RGS6: variants seen among roughly 807,000 people sequenced by gnomAD.
The protein encoded by RGS6 is regulator of G protein signaling 6.
A neutral mutation model predicts 78.5 loss-of-function variants in RGS6; 30 were observed. The ratio of observed to expected loss-of-function variants is 0.38; its 90% CI spans 0.29 to 0.52. The LOEUF is 0.52. Ranked by LOEUF, RGS6 falls within the 20% of genes least tolerant of loss-of-function variation. The probability of loss-of-function intolerance (pLI) is 0.85; values close to 1 mark genes in which losing one functional copy is unlikely to be tolerated. For synonymous variants in RGS6, 206 were observed against 206.0 expected (o/e 1.00, Z 0.00); for missense variants, 495 against 609.7 (o/e 0.81, Z 1.98).
At chr14:71,951,337 A>C (rs1218012357) in intron 1 of RGS6, among the ~76,000 whole-genome samples, 2 of 152,150 alleles carry the variant, frequency 1.3e-5, no homozygotes, top group African/African-American at 4.8e-5. Context: ...GTTCTCACTC[A>C]TAAGTGGGAA....
chr14:72,445,015 G>A (rs759796874), intron 3 of RGS6, among the ~76,000 whole-genome samples: 1 of 152,354 alleles, frequency 6.6e-6, no homozygotes, highest in Non-Finnish European at 1.5e-5. Flanking sequence ...AAAGGTGGGA[G>A]GGGGCCAGTG....
At chr14:72,094,056 T>C (rs1371144241) in intron 2 of RGS6, among the ~76,000 whole-genome samples, 2 of 152,174 alleles carry the variant, frequency 1.3e-5, no homozygotes, top group Non-Finnish European at 2.9e-5. Flanking sequence ...GAAAAAAATA[T>C]AAGGCTTATT....
chr14:72,121,045 G>C (rs2096037711), intron 2 of RGS6, among the ~76,000 whole-genome samples: 1 of 152,154 alleles, frequency 6.6e-6, no homozygotes, highest in African/African-American at 2.4e-5. Context: ...CTAGAACTTA[G>C]GTTTACAGGA....
At position 72,053,077 on chromosome 14, in the gene RGS6, C is replaced by CT. The variant is rs1173588977; in HGVS notation, c.84+88203dup. On this transcript the variant is annotated intron_variant, in intron 2 of 17. Transcript: ENST00000553525. ...CCTCCCTCCCTCCCTCCCTCCCTCC[C>CT]TCCCTTCCTTCCTTCCTTCCTTCCT... is the stretch of plus-strand genomic sequence containing the variant. Among the ~76,000 whole-genome samples the CT allele has an allele frequency of 1.0e-2, 387 of 38,886 alleles. 55 individuals are homozygous for CT. Among genetic ancestry groups the CT allele is most frequent in the African/African-American group, 0.036 (359 of 9,888 alleles). 25.5% of individuals were successfully genotyped at this position (38,886 alleles called of 152,430 possible).
At chr14:72,412,899 G>A (rs1383640537) in intron 3 of RGS6, among the ~76,000 whole-genome samples, 1 of 151,792 alleles carries the variant, frequency 6.6e-6, no homozygotes, top group Non-Finnish European at 1.5e-5. Context: ...TCTTAATCCT[G>A]AGTTCTAGTT....
intron 2 of RGS6, among the ~76,000 whole-genome samples, chr14:72,211,665 T>C (rs770963292): frequency 6.6e-5 from 10 of 152,194 alleles, no homozygotes; most frequent in Non-Finnish European, 1.0e-4. Flanking sequence ...AGATCCACAA[T>C]GACCCCCAAA....
chr14:72,355,414 C>A (rs559428538), intron 3 of RGS6, among the ~76,000 whole-genome samples: 1 of 152,058 alleles, frequency 6.6e-6, no homozygotes, highest in African/African-American at 2.4e-5. Context: ...AGGCTGGTCT[C>A]GAACTCTTGA....
intron 2 of RGS6, among the ~76,000 whole-genome samples, chr14:72,033,595 A>T (rs547515229): frequency 5.9e-5 from 9 of 152,138 alleles, no homozygotes; most frequent in Non-Finnish European, 1.2e-4. Flanking sequence ...GCTCTTTGCC[A>T]CTGCCCCGAA....
At chr14:72,329,027 A>C (rs1268476464) in intron 2 of RGS6, among the ~76,000 whole-genome samples, 5 of 152,084 alleles carry the variant, frequency 3.3e-5, no homozygotes. Flanking sequence ...GCCCACCACC[A>C]CACCTGGCTA....
chr14:72,135,563 C>T (rs182810230), intron 2 of RGS6, among the ~76,000 whole-genome samples: 6 of 152,044 alleles, frequency 3.9e-5, no homozygotes, highest in South Asian at 4.2e-4. Context: ...TGTTACAGCA[C>T]GAGAGAGAGG....
chr14:71,971,140 A>C (rs1044454952), intron 2 of RGS6, among the ~76,000 whole-genome samples: 1 of 152,212 alleles, frequency 6.6e-6, no homozygotes, highest in Non-Finnish European at 1.5e-5. Flanking sequence ...CAAGGAGTTT[A>C]GACATTGTAA....
chr14:72,182,472 CTA>C, intron 2 of RGS6, among the ~76,000 whole-genome samples: 1 of 148,938 alleles, frequency 6.7e-6, no homozygotes, highest in South Asian at 2.1e-4. Context: ...CTTATATTTT[CTA>C]TTAACTCCAA....
rs568572442 is a variant in RGS6 at position 72,472,125 on chromosome 14, A to T, written c.537-747A>T. Among the ~76,000 whole-genome samples, 3 of 151,362 alleles carry T rather than the reference A, an allele frequency of 2.0e-5. No individual in the cohort carries two copies. The East Asian group carries it at 5.8e-4, about 29-fold the overall frequency. On this transcript the variant is annotated intron_variant, in intron 8 of 17. Coordinates refer to ENST00000553525, the MANE Select transcript of RGS6 (RefSeq NM_001204424.2). ...TAGGAGTTACACGGCAATTAATCTG[A>T]GTTGCTTTTTACTTGAAATAAAATG...
intron 2 of RGS6, among the ~76,000 whole-genome samples, chr14:72,132,781 G>GTT (rs767770941): frequency 7.5e-5 from 10 of 132,610 alleles, no homozygotes; most frequent in East Asian, 2.2e-4. Context: ...TTTGTTTGTC[G>GTT]TTTTTTTTTT....
intron 2 of RGS6, among the ~76,000 whole-genome samples, chr14:71,983,049 A>G (rs1280339058): frequency 1.3e-5 from 2 of 152,204 alleles, no homozygotes; most frequent in African/African-American, 4.8e-5. Context: ...CTTCCAGTAT[A>G]TTTAAAAAGT....
chr14:71,941,363 C>G (rs912502371), intron 1 of RGS6, among the ~76,000 whole-genome samples: 5 of 152,142 alleles, frequency 3.3e-5, no homozygotes, highest in African/African-American at 1.2e-4. Flanking sequence ...ATTAAGCAGC[C>G]AACTCCAGAA....
At chr14:71,867,839 G>A in the RGS6 span, among the ~76,000 whole-genome samples, 1 of 152,120 alleles carries the variant, frequency 6.6e-6, no homozygotes, top group Non-Finnish European at 1.5e-5. Context: ...CTCACTGGGG[G>A]CCATCACCAA....
intron 3 of RGS6, among the ~76,000 whole-genome samples, chr14:72,433,571 A>G (rs947898054): frequency 3.3e-5 from 5 of 152,200 alleles, no homozygotes; most frequent in Non-Finnish European, 7.3e-5. Context: ...TTTTTAGGCA[A>G]GAGAGCATCG....
At chr14:72,323,958 C>T (rs867453087) in intron 2 of RGS6, among the ~76,000 whole-genome samples, 2 of 149,658 alleles carry the variant, frequency 1.3e-5, no homozygotes, top group South Asian at 4.2e-4. Context: ...TATTTTGATA[C>T]AGACATACAA....
Sources: gnomAD v4.1 joint callset for allele counts (sites outside exome capture counted in the v4.1 genomes callset) on GRCh38, gnomAD v4.1.1 for gene constraint, MANE v1.5 for transcripts, NCBI Gene and HGNC (gene_info 2026-07-23, HGNC 2026-07-21) for gene names.